Variants in GNAI1 observed in about 807,000 individuals in gnomAD.
The protein encoded by GNAI1 is guanine nucleotide-binding protein G(i) subunit alpha-1.
Under a neutral mutation model 38.9 loss-of-function variants are expected in GNAI1, and 11 were observed. The ratio of observed to expected loss-of-function variants is 0.28; its 90% CI spans 0.18 to 0.47. The LOEUF is 0.47. Among genes scored for constraint, GNAI1 ranks in the 20% least tolerant of loss-of-function variants. The pLI, the probability that GNAI1 is intolerant of heterozygous loss-of-function variation, is 0.99. For synonymous variants in GNAI1, 166 were observed against 145.1 expected (o/e 1.14, Z -1.04); for missense variants, 317 against 436.9 (o/e 0.73, Z 2.45).
intron 5 of GNAI1, among the ~76,000 whole-genome samples, chr7:80,207,993 A>G (rs1030917748): frequency 1.9e-4 from 29 of 152,084 alleles, no homozygotes; most frequent in African/African-American, 7.0e-4. Context: ...TCATTTCTAT[A>G]GTAGTATAAA....
chr7:80,199,133 C>A, intron 3 of GNAI1, 92 bp from the exon 4 acceptor site: 4 of 882,524 alleles, frequency 4.5e-6, no homozygotes, highest in South Asian at 2.3e-5. Flanking sequence ...TTCGCTATTG[C>A]CTTTTTTTTT....
At chr7:80,159,530 CAT>C (rs1787881172) in intron 1 of GNAI1, among the ~76,000 whole-genome samples, 1 of 152,096 alleles carries the variant, frequency 6.6e-6, no homozygotes, top group South Asian at 2.1e-4. Context: ...TGGGGTACAA[CAT>C]GTTTCAATAC....
At chr7:80,177,414 A>C (rs557784626) in intron 1 of GNAI1, among the ~76,000 whole-genome samples, 2 of 152,102 alleles carry the variant, frequency 1.3e-5, no homozygotes, top group Non-Finnish European at 2.9e-5. Flanking sequence ...ATTCTTTTCA[A>C]TATATTTCTG....
chr7:80,200,354 C>T lies in GNAI1; in HGVS notation c.461+972C>T, dbSNP rs542621502. Among the ~76,000 whole-genome samples, 12 of 88,904 alleles carry T rather than the reference C, an allele frequency of 1.3e-4. No individual in the cohort carries two copies. The South Asian group carries it at 3.7e-3, about 27-fold the overall frequency. The allele number at this position is 88,904 out of a possible 152,430, so 58.3% of individuals were successfully genotyped here. On this transcript the variant is annotated intron_variant, in intron 4 of 7. Transcript: ENST00000649796. ...AAAAAAAAAAAAAAAAAAACCTAAT[C>T]AGGGAGCTTTCTGTTTGGTGATCTC...
At chr7:80,157,204 C>A (rs1004685675) in intron 1 of GNAI1, among the ~76,000 whole-genome samples, 4 of 152,138 alleles carry the variant, frequency 2.6e-5, no homozygotes, top group Admixed American at 6.5e-5. Context: ...TAGTTGAAAT[C>A]ATGTAGTATG....
At chr7:80,213,312 G>T (rs1788904161) in intron 7 of GNAI1, among the ~76,000 whole-genome samples, 1 of 152,124 alleles carries the variant, frequency 6.6e-6, no homozygotes, top group Non-Finnish European at 1.5e-5. Flanking sequence ...GGATCATTGA[G>T]GCAGCTAACT....
intron 1 of GNAI1, among the ~76,000 whole-genome samples, chr7:80,136,950 C>A (rs1261109761): frequency 6.6e-6 from 1 of 152,096 alleles, no homozygotes; most frequent in Non-Finnish European, 1.5e-5. Flanking sequence ...GATCTTAGCA[C>A]GGTTGGCATT....
chr7:80,211,566 G>A (rs542199263), intron 6 of GNAI1, among the ~76,000 whole-genome samples: 6 of 151,970 alleles, frequency 3.9e-5, no homozygotes, highest in Admixed American at 6.6e-5. Flanking sequence ...TTACAGGCAC[G>A]TGCCACCACA....
rs1789041341 is a variant in GNAI1, at chr7:80,219,857, TCTTCTGATTCC to T, written c.*2365_*2375del. Among the ~76,000 whole-genome samples the T allele has an allele frequency of 6.6e-6, 1 of 152,182 alleles. No individual in the cohort carries two copies. The highest frequency in any genetic ancestry group is 2.4e-5 in the African/African-American group (1 of 41,456). ...AAGCCCTGCATGCATTAGGTGGAAC[TCTTCTGATTCC>T]TAATCTCCATTTCAATTTACTGACA... On this transcript the variant is annotated 3_prime_UTR_variant, in exon 8 of 8. Transcript: ENST00000649796.
At chr7:80,184,475 T>A (rs1156513808) in intron 1 of GNAI1, among the ~76,000 whole-genome samples, 1 of 152,124 alleles carries the variant, frequency 6.6e-6, no homozygotes, top group Non-Finnish European at 1.5e-5. Flanking sequence ...GTGCCCATAC[T>A]CACTTGAGGC....
intron 1 of GNAI1, among the ~76,000 whole-genome samples, chr7:80,174,652 G>A (rs900675944): frequency 6.6e-6 from 1 of 151,556 alleles, no homozygotes; most frequent in Non-Finnish European, 1.5e-5. Flanking sequence ...ATGTTTACAT[G>A]TTTATATATT....
At chr7:80,164,285 GCCACCT>G (rs1787976169) in intron 1 of GNAI1, among the ~76,000 whole-genome samples, 3 of 151,506 alleles carry the variant, frequency 2.0e-5, no homozygotes, top group Admixed American at 1.3e-4. Flanking sequence ...CTCGTGAGCT[GCCACCT>G]CGGCCTCCCA....
rs765914790 is a variant in GNAI1 at position 80,199,350 on chromosome 7, C to T, written c.429C>T (p.Ser143=). The T allele has an allele frequency of 6.2e-7, 1 of 1,610,954 alleles. No individual in the cohort carries two copies. The highest frequency in any genetic ancestry group is 1.7e-5 in the Admixed American group (1 of 59,830). ...GTGTACAAGCCTGTTTCAACAGATC[C>T]CGAGAGTACCAGCTTAATGATTCTG... is the stretch of plus-strand genomic sequence containing the variant. ...DSGVQACFNR[S]REYQLNDSAA... The change falls in exon 4 of 8, where the codon TCC becomes TCT. Residue 143 remains serine, a synonymous_variant. Coordinates refer to ENST00000649796, the MANE Select transcript of GNAI1 (RefSeq NM_002069.6).
At position 80,222,550 on chromosome 7, in the gene GNAI1, A is replaced by G. The variant is rs1463552825; in HGVS notation, c.*5057A>G. Among the ~76,000 whole-genome samples the G allele has an allele frequency of 4.6e-5, 7 of 151,536 alleles. No homozygotes were observed. Among genetic ancestry groups the G allele is most frequent in the Admixed American group, 4.6e-4 (7 of 15,200 alleles). ...TTACAGGCATGCGACACTACACCCA[A>G]CTAATCTTGTATTTTTAGTAGAGAC... On this transcript the variant is annotated 3_prime_UTR_variant, in exon 8 of 8. Coordinates refer to ENST00000649796, the MANE Select transcript of GNAI1 (RefSeq NM_002069.6).
intron 3 of GNAI1, among the ~76,000 whole-genome samples, chr7:80,198,353 T>C (rs1048440073): frequency 1.8e-4 from 27 of 152,126 alleles, no homozygotes; most frequent in African/African-American, 6.3e-4. Flanking sequence ...AAAAAAGCTT[T>C]TAAAAAATGT....
intron 5 of GNAI1, among the ~76,000 whole-genome samples, chr7:80,209,410 T>A (rs569680916): frequency 2.2e-4 from 33 of 152,338 alleles, no homozygotes; most frequent in African/African-American, 6.7e-4. Context: ...AACCTCAGTT[T>A]TTGCCAGTTT....
At chr7:80,181,572 C>A (rs887606571) in intron 1 of GNAI1, among the ~76,000 whole-genome samples, 2 of 152,136 alleles carry the variant, frequency 1.3e-5, no homozygotes, top group Non-Finnish European at 2.9e-5. Context: ...TTCAGTTAGC[C>A]GAATGGTCTA....
intron 7 of GNAI1, among the ~76,000 whole-genome samples, chr7:80,215,952 C>T (rs76728446): frequency 0.092 from 13,977 of 152,014 alleles, 813 homozygotes; most frequent in South Asian, 0.2. Context: ...GGGGTGAGCG[C>T]CAGTGTGGAG....
At chr7:80,154,057 G>T (rs1787774199) in intron 1 of GNAI1, among the ~76,000 whole-genome samples, 1 of 152,044 alleles carries the variant, frequency 6.6e-6, no homozygotes, top group Non-Finnish European at 1.5e-5. Context: ...CAAGTAGCTG[G>T]GACTACAGGC....
Sources: allele counts gnomAD v4.1 joint callset (sites outside exome capture counted in the v4.1 genomes callset), GRCh38; gene constraint gnomAD v4.1.1; transcripts MANE v1.5; gene names NCBI Gene and HGNC (gene_info 2026-07-23, HGNC 2026-07-21).